Variants in SAMD12 observed in about 807,000 individuals in gnomAD.
SAMD12 encodes sterile alpha motif domain-containing protein 12.
A neutral mutation model predicts 15.0 loss-of-function variants in SAMD12; 9 were observed. The observed-to-expected ratio is 0.60, with a 90% confidence interval of 0.36 to 1.05. The LOEUF (loss-of-function observed/expected upper bound fraction) is 1.05. SAMD12 is among the 50% of genes least tolerant of loss of function. SAMD12 has a pLI of 0.01. For missense variants in SAMD12, 230 were observed against 234.2 expected (o/e 0.98, Z 0.12); for synonymous variants, 86 against 90.1 (o/e 0.96, Z 0.25).
chr8:118,428,372 G>A (rs191818445), intron 3 of SAMD12, among the ~76,000 whole-genome samples: 104 of 151,766 alleles, frequency 6.9e-4, no homozygotes, highest in African/African-American at 2.1e-3. Context: ...CAAGTCCAGC[G>A]TGGGCAACAG....
the SAMD12 span, among the ~76,000 whole-genome samples, chr8:118,168,574 C>T: frequency 3.3e-5 from 5 of 152,148 alleles, no homozygotes; most frequent in African/African-American, 1.2e-4. Flanking sequence ...TGTCTTCTTC[C>T]CGGAATATTT....
rs560145093 is a variant in SAMD12 at position 118,345,629 on chromosome 8, A to G, written c.433+33931T>C. Among the ~76,000 whole-genome samples the G allele has an allele frequency of 1.1e-4, 17 of 152,334 alleles. No homozygotes were observed. The South Asian group carries it at 2.9e-3, about 26-fold the overall frequency. On this transcript the variant is annotated intron_variant, in intron 4 of 4. Transcript: ENST00000409003. ...TGGGGTGTAGACAGTGAGGAAGACA[A>G]ACTGCTTAGAGAATTATCTGTCCAA...
At chr8:118,434,059 C>A (rs1822500995) in intron 3 of SAMD12, among the ~76,000 whole-genome samples, 1 of 152,152 alleles carries the variant, frequency 6.6e-6, no homozygotes, top group Admixed American at 6.5e-5. Flanking sequence ...GAAAAATCAG[C>A]CCTGAAGAGA....
At chr8:118,501,832 C>T (rs1308553237) in intron 2 of SAMD12, among the ~76,000 whole-genome samples, 5 of 152,052 alleles carry the variant, frequency 3.3e-5, no homozygotes, top group East Asian at 1.9e-4. Context: ...CTGGCTAACA[C>T]GGTGAAACCC....
At chr8:118,374,181 C>T (rs2130691823), downstream of SAMD12, among the ~76,000 whole-genome samples, 1 of 152,156 alleles carries the variant, frequency 6.6e-6, no homozygotes, top group South Asian at 2.1e-4. Flanking sequence ...CACTTTTTTA[C>T]TTTGTTTCTA....
chr8:118,477,631 G>A (rs1823996410), intron 2 of SAMD12, among the ~76,000 whole-genome samples: 1 of 152,102 alleles, frequency 6.6e-6, no homozygotes, highest in African/African-American at 2.4e-5. Flanking sequence ...TTGAACATTT[G>A]TAAGTCTCAA....
At chr8:118,297,371 C>A (rs1814766653) in intron 4 of SAMD12, among the ~76,000 whole-genome samples, 1 of 152,070 alleles carries the variant, frequency 6.6e-6, no homozygotes, top group Admixed American at 6.6e-5. Context: ...GTCACTAAAG[C>A]CCTGATGGTC....
chr8:118,414,103 G>C (rs954771448), intron 3 of SAMD12, among the ~76,000 whole-genome samples: 1 of 152,140 alleles, frequency 6.6e-6, no homozygotes, highest in Non-Finnish European at 1.5e-5. Flanking sequence ...AATAAACTTT[G>C]CAATATTTAC....
chr8:118,358,463 C>T (rs565593527), intron 4 of SAMD12, among the ~76,000 whole-genome samples: 4 of 152,264 alleles, frequency 2.6e-5, no homozygotes, highest in African/African-American at 9.6e-5. Context: ...TTTCCAACAA[C>T]CAGCGGCCAA....
At chr8:118,585,549 A>G (rs929495937) in intron 1 of SAMD12, among the ~76,000 whole-genome samples, 3 of 152,254 alleles carry the variant, frequency 2.0e-5, no homozygotes, top group African/African-American at 4.8e-5. Context: ...GGTTCCAAAG[A>G]TATTTTTATT....
chr8:118,285,711 G>A (rs377333068), intron 4 of SAMD12, among the ~76,000 whole-genome samples: 1 of 152,098 alleles, frequency 6.6e-6, no homozygotes, highest in African/African-American at 2.4e-5. Flanking sequence ...TGTAAGTTGG[G>A]GATAATAATT....
At chr8:118,457,312 C>T (rs73313463) in intron 2 of SAMD12, among the ~76,000 whole-genome samples, 28,371 of 150,864 alleles carry the variant, frequency 0.19, 3,771 homozygotes, top group African/African-American at 0.38. Flanking sequence ...CTCACTGCAG[C>T]CTCAAACTCC....
intron 1 of SAMD12, among the ~76,000 whole-genome samples, chr8:118,589,753 T>C (rs376125333): frequency 1.3e-5 from 2 of 152,212 alleles, no homozygotes; most frequent in South Asian, 2.1e-4. Flanking sequence ...AGATTTCACA[T>C]TGTGAATCCA....
rs1445741343 is a variant in SAMD12, at chr8:118,439,850, T to A, written c.304A>T (p.Lys102Ter). Reference protein sequence around the residue: ...NQYQIYSESFKQHDITGRALL... With the variant: ...NQYQIYSESF Reference sequence around the variant, plus strand: ...ACTTTACCAGTTATGTCATGCTGTTTGAATGACTCACTGTAGATCTGATAC... The same window carrying A: ...ACTTTACCAGTTATGTCATGCTGTTAGAATGACTCACTGTAGATCTGATAC... The change falls in exon 3 of 4, where the codon AAA becomes TAA. Residue 102 changes from lysine (K) to a stop codon, truncating the protein, a stop_gained. Coordinates refer to ENST00000314727, the MANE Select transcript of SAMD12 (RefSeq NM_207506.3). LOFTEE classifies it low-confidence loss of function (END_TRUNC). The A allele has an allele frequency of 6.2e-7, 1 of 1,613,306 alleles. No homozygotes were observed. Among genetic ancestry groups the A allele is most frequent in the Non-Finnish European group, 8.5e-7 (1 of 1,179,412 alleles).
intron 1 of SAMD12, among the ~76,000 whole-genome samples, chr8:118,604,958 G>T (rs554744838): frequency 1.3e-5 from 2 of 152,096 alleles, no homozygotes; most frequent in African/African-American, 4.8e-5. Context: ...TAAATAAAAT[G>T]TCATGAAAAT....
chr8:118,571,747 C>A (rs1827016997), intron 2 of SAMD12, among the ~76,000 whole-genome samples: 1 of 152,172 alleles, frequency 6.6e-6, no homozygotes, highest in Non-Finnish European at 1.5e-5. Context: ...GGTCTGAGAA[C>A]CTAGATTCCA....
chr8:118,222,260 T>C (rs1286848695), intron 4 of SAMD12, among the ~76,000 whole-genome samples: 1 of 151,744 alleles, frequency 6.6e-6, no homozygotes, highest in African/African-American at 2.4e-5. Context: ...TGGTGTTGGA[T>C]ATGTATTATA....
At position 118,609,834 on chromosome 8, in the gene SAMD12, A is replaced by G. The variant is rs192415915; in HGVS notation, c.13+11970T>C. ...GGAAGTCCAGGGCAGTGGGAGGACC[A>G]TGGCTGTGTGTATGGCAGCTCCCCT... On this transcript the variant is annotated intron_variant, in intron 1 of 3. Transcript: ENST00000314727. Among the ~76,000 whole-genome samples the G allele has an allele frequency of 3.7e-4, 57 of 152,292 alleles. No homozygotes were observed. The East Asian group carries it at 0.011, about 29-fold the overall frequency.
chr8:118,547,555 G>A (rs1826167290), intron 2 of SAMD12, among the ~76,000 whole-genome samples: 1 of 152,162 alleles, frequency 6.6e-6, no homozygotes, highest in East Asian at 1.9e-4. Context: ...GCACAAGTAA[G>A]TGTACAATAC....
Sources: allele counts gnomAD v4.1 joint callset (sites outside exome capture counted in the v4.1 genomes callset), GRCh38; gene constraint gnomAD v4.1.1; transcripts MANE v1.5; gene names NCBI Gene and HGNC (gene_info 2026-07-23, HGNC 2026-07-21).